Variants in RGS10 observed in about 807,000 individuals in gnomAD.
The protein encoded by RGS10 is regulator of G protein signaling 10.
In RGS10, 11 loss-of-function variants were observed where a neutral mutation model predicts 23.5. The observed-to-expected ratio is 0.47, with a 90% confidence interval of 0.29 to 0.77. RGS10 has a LOEUF of 0.77. Ranked by LOEUF, RGS10 falls within the 30% of genes least tolerant of loss-of-function variation. The pLI, the probability that RGS10 is intolerant of heterozygous loss-of-function variation, is 0.08. For missense variants in RGS10, 180 were observed against 226.3 expected (o/e 0.80, Z 1.31); for synonymous variants, 77 against 83.2 (o/e 0.92, Z 0.41).
At chr10:119,519,580 C>T (rs1844188820) in intron 3 of RGS10, among the ~76,000 whole-genome samples, 1 of 129,736 alleles carries the variant, frequency 7.7e-6, no homozygotes, top group African/African-American at 3.1e-5. Flanking sequence ...TGTCTCCCAG[C>T]TTCTGTCTCC....
chr10:119,527,541 G>A lies in RGS10; in HGVS notation c.50-117C>T, dbSNP rs776282484. ...ACGGCTGACATACACCGACTTATGC[G>A]TCAGGCTCTGTTCTAGGTGCTTAAC... On this transcript the variant is annotated intron_variant, in intron 1 of 4. Coordinates refer to ENST00000369103, the MANE Select transcript of RGS10 (RefSeq NM_001005339.2). The surrounding 1 kb of genome is among the most constrained non-coding windows in gnomAD (Gnocchi z 4.2). 5 of 759,888 alleles carry A rather than the reference G, an allele frequency of 6.6e-6. No individual in the cohort carries two copies. The highest frequency in any genetic ancestry group is 2.5e-5 in the East Asian group (1 of 40,706). The allele number at this position is 759,888 out of a possible 1,614,324, so 47.1% of individuals were successfully genotyped here.
chr10:119,542,562 G>T, intron 1 of RGS10, 28 bp downstream of exon 1: 1 of 1,385,610 alleles, frequency 7.2e-7, no homozygotes, highest in Non-Finnish European at 9.3e-7. Context: ...CCCCGACCCC[G>T]AGCCCGCGGG....
rs372398351 is a variant in RGS10 at position 119,500,221 on chromosome 10, G to A, written c.438C>T (p.Phe146=). 88 of 1,613,764 alleles carry A rather than the reference G, an allele frequency of 5.5e-5. No homozygotes were observed. Among genetic ancestry groups the A allele is most frequent in the Non-Finnish European group, 7.3e-5 (86 of 1,179,954 alleles). Reference sequence around the variant, plus strand: ...GTTTTAAAAACAAGTCAGACTTTAAGAAGCGGCTGTAGCTGTCGTACTTCA... The same window carrying A: ...GTTTTAAAAACAAGTCAGACTTTAAAAAGCGGCTGTAGCTGTCGTACTTCA... ...NLMKYDSYSR[F]LKSDLFLKHK... Residue 146 remains phenylalanine, a synonymous_variant, in exon 5 of 5, where the codon TTC becomes TTT. Coordinates refer to ENST00000369103, the MANE Select transcript of RGS10 (RefSeq NM_001005339.2).
intron 3 of RGS10, among the ~76,000 whole-genome samples, chr10:119,518,389 A>G (rs1844170362): frequency 6.6e-6 from 1 of 152,176 alleles, no homozygotes; most frequent in South Asian, 2.1e-4. Context: ...AGCACCTTCC[A>G]GGCACCCCAC....
intron 3 of RGS10, among the ~76,000 whole-genome samples, chr10:119,520,792 G>C (rs1386652089): frequency 2.4e-5 from 3 of 125,456 alleles, no homozygotes; most frequent in African/African-American, 6.5e-5. Context: ...TGAAGATGTA[G>C]TCAAAATCTC....
intron 3 of RGS10, among the ~76,000 whole-genome samples, chr10:119,521,631 G>GAAGGAAGGAAGGAAAGAAAGGAAGA (rs1844218497): frequency 2.9e-5 from 2 of 69,260 alleles, no homozygotes; most frequent in African/African-American, 1.1e-4. Context: ...GGAAAGAAAG[G>GAAGGAAGGAAGGAAAGAAAGGAAGA]AAGGAAGGAA....
chr10:119,500,864 C>G (rs1843945038), intron 4 of RGS10, among the ~76,000 whole-genome samples: 1 of 152,130 alleles, frequency 6.6e-6, no homozygotes. Flanking sequence ...ATGCCAACAT[C>G]TGTGCCATCA....
At chr10:119,500,515 G>C (rs1468603354) in intron 4 of RGS10, among the ~76,000 whole-genome samples, 2 of 151,926 alleles carry the variant, frequency 1.3e-5, no homozygotes, top group African/African-American at 4.8e-5. Context: ...CGGAAATATA[G>C]ATTCACACAG....
At chr10:119,500,295 G>A (rs777317934) in intron 4 of RGS10, 36 bp from the exon 5 acceptor site, 2 of 1,577,162 alleles carry the variant, frequency 1.3e-6, no homozygotes, top group Non-Finnish European at 1.7e-6. Flanking sequence ...TGAAGGCTGA[G>A]GCTAATCCAG....
At chr10:119,512,042 G>C (rs1369440426) in intron 4 of RGS10, among the ~76,000 whole-genome samples, 1 of 152,196 alleles carries the variant, frequency 6.6e-6, no homozygotes, top group Non-Finnish European at 1.5e-5. Context: ...GGGGCTCAGG[G>C]AAGATTTTCC....
chr10:119,522,011 G>A (rs898473014), intron 3 of RGS10, among the ~76,000 whole-genome samples: 2 of 152,198 alleles, frequency 1.3e-5, no homozygotes, highest in African/African-American at 2.4e-5. Flanking sequence ...CTCGTGTGCT[G>A]TTCCCAAAAT....
At chr10:119,500,302 C>T (rs1183294109) in intron 4 of RGS10, 43 bp from the exon 5 acceptor site, 7 of 1,569,914 alleles carry the variant, frequency 4.5e-6, no homozygotes, top group African/African-American at 4.1e-5. Flanking sequence ...TGAGGCTAAT[C>T]CAGGCCATAA....
At chr10:119,507,745 C>T (rs1844032004) in intron 4 of RGS10, among the ~76,000 whole-genome samples, 2 of 151,988 alleles carry the variant, frequency 1.3e-5, no homozygotes, top group South Asian at 2.1e-4. Flanking sequence ...CAACCATGTC[C>T]GGCTACTTTT....
chr10:119,503,963 C>T (rs1843981937), intron 4 of RGS10, among the ~76,000 whole-genome samples: 1 of 152,180 alleles, frequency 6.6e-6, no homozygotes, highest in East Asian at 1.9e-4. Flanking sequence ...CACAGTTCAG[C>T]CCATAACAGT....
intron 3 of RGS10, among the ~76,000 whole-genome samples, chr10:119,523,133 G>A (rs1291156223): frequency 1.2e-4 from 18 of 151,846 alleles, no homozygotes; most frequent in Non-Finnish European, 1.3e-4. Flanking sequence ...AATTGCAGGC[G>A]TGAGCCACTG....
At chr10:119,501,797 T>A (rs1843956482) in intron 4 of RGS10, among the ~76,000 whole-genome samples, 1 of 152,178 alleles carries the variant, frequency 6.6e-6, no homozygotes, top group African/African-American at 2.4e-5. Context: ...GAACATCTGC[T>A]TGGAGGATGG....
chr10:119,540,794 A>T (rs1844428340), intron 1 of RGS10, among the ~76,000 whole-genome samples: 1 of 152,226 alleles, frequency 6.6e-6, no homozygotes. Context: ...AGCTCTATTT[A>T]TAACAGGCAA....
intron 4 of RGS10, among the ~76,000 whole-genome samples, chr10:119,510,408 C>T (rs750662254): frequency 6.6e-6 from 1 of 152,178 alleles, no homozygotes; most frequent in Non-Finnish European, 1.5e-5. Context: ...TCCTCTCATC[C>T]AGATCCCGCT....
In RGS10 at chr10:119,527,416, C is replaced by T. The variant is rs1402504541; in HGVS notation, c.58G>A (p.Asp20Asn). The T allele has an allele frequency of 1.2e-6, 2 of 1,613,954 alleles. No homozygotes were observed. The highest frequency in any genetic ancestry group is 3.3e-4 in the Middle Eastern group (2 of 6,058). Residue 20 changes from aspartate to asparagine, a missense_variant, in exon 2 of 5, where the codon GAC (aspartate) becomes AAC (asparagine). Transcript: ENST00000369103. This position sits in a 1 kb window ranked among gnomAD's most constrained non-coding sequence, Gnocchi z 4.2. ...CTGCTGCTGGAACTGCCATCGCTGT[C>T]GTGGATGTCTGCAAAGCAAAGTTCA... Reference protein sequence around the residue: ...SRKRPPSDIHDSDGSSSSSHQ... With the variant: ...SRKRPPSDIHNSDGSSSSSHQ...
Sources: gnomAD v4.1 joint callset for allele counts (sites outside exome capture counted in the v4.1 genomes callset) on GRCh38, gnomAD v4.1.1 for gene constraint, Gnocchi (gnomAD v3.1) non-coding constraint, MANE v1.5 for transcripts, NCBI Gene and HGNC (gene_info 2026-07-23, HGNC 2026-07-21) for gene names.